WDPCP: variants seen among roughly 807,000 people sequenced by gnomAD.
WDPCP encodes the protein WD repeat containing planar cell polarity effector.
A neutral mutation model predicts 93.1 loss-of-function variants in WDPCP; 71 were observed. The observed-to-expected ratio is 0.76, with a 90% CI of 0.63 to 0.93. The LOEUF (loss-of-function observed/expected upper bound fraction) is 0.93. Ranked by LOEUF, WDPCP falls within the 40% of genes least tolerant of loss-of-function variation. The probability of loss-of-function intolerance (pLI) is 0.00; values close to 1 mark genes in which losing one functional copy is unlikely to be tolerated. For missense variants in WDPCP, 844 were observed against 887.4 expected (o/e 0.95, Z 0.62); for synonymous variants, 315 against 315.0 (o/e 1.00, Z 0.00).
At chr2:63,705,404 A>C (rs907684178) in intron 2 of WDPCP, among the ~76,000 whole-genome samples, 36 of 152,036 alleles carry the variant, frequency 2.4e-4, no homozygotes, top group Non-Finnish European at 4.6e-4. Flanking sequence ...TGTCAATTTT[A>C]GATCTTTCCT....
chr2:63,485,370 A>G (rs1217798955), intron 4 of WDPCP, among the ~76,000 whole-genome samples: 1 of 151,632 alleles, frequency 6.6e-6, no homozygotes, highest in African/African-American at 2.4e-5. Flanking sequence ...CCTAAAAAAA[A>G]AAAAAAATTA....
At chr2:63,313,882 A>ATGTGTGTG (rs1400155246) in intron 12 of WDPCP, among the ~76,000 whole-genome samples, 1 of 30,844 alleles carries the variant, frequency 3.2e-5, no homozygotes, top group African/African-American at 7.7e-5. Flanking sequence ...ATATATATAT[A>ATGTGTGTG]TATATTTTTT....
chr2:63,814,297 A>G (rs550348158), intron 1 of WDPCP, among the ~76,000 whole-genome samples: 15 of 152,108 alleles, frequency 9.9e-5, no homozygotes, highest in Non-Finnish European at 1.9e-4. Flanking sequence ...TTGAAATGCA[A>G]GGGGAAATCT....
intron 2 of WDPCP, among the ~76,000 whole-genome samples, chr2:63,487,808 A>G (rs540932303): frequency 2.6e-5 from 4 of 152,246 alleles, no homozygotes; most frequent in South Asian, 4.1e-4. Context: ...TATTTTTCAC[A>G]GGGTTCTACC....
intron 14 of WDPCP, among the ~76,000 whole-genome samples, chr2:63,194,212 TCCA>T (rs1295340292): frequency 6.6e-6 from 1 of 152,184 alleles, no homozygotes; most frequent in Non-Finnish European, 1.5e-5. Context: ...ATAATATTTT[TCCA>T]TTTTTTTAGA....
chr2:63,571,465 G>C, intron 1 of WDPCP: 1 of 468,126 alleles, frequency 2.1e-6, no homozygotes, highest in South Asian at 1.6e-5. Flanking sequence ...ATTTCTTGCA[G>C]TGAAGGTCTG....
chr2:63,550,795 A>G (rs975328416), intron 1 of WDPCP, among the ~76,000 whole-genome samples: 21 of 151,170 alleles, frequency 1.4e-4, no homozygotes, highest in South Asian at 4.2e-4. Context: ...ATATATGTAT[A>G]TATATATATA....
At chr2:63,421,943 G>C (rs1695896616) in intron 9 of WDPCP, among the ~76,000 whole-genome samples, 1 of 152,142 alleles carries the variant, frequency 6.6e-6, no homozygotes, top group Non-Finnish European at 1.5e-5. Flanking sequence ...ATGTAATACA[G>C]AAGAGGTTAA....
At chr2:63,414,660 T>C (rs1012552681) in intron 9 of WDPCP, among the ~76,000 whole-genome samples, 1 of 152,140 alleles carries the variant, frequency 6.6e-6, no homozygotes, top group Non-Finnish European at 1.5e-5. Context: ...CTCACTGATA[T>C]GTGGGAGCTA....
intron 14 of WDPCP, among the ~76,000 whole-genome samples, chr2:63,195,367 T>C (rs1033953018): frequency 1.3e-5 from 2 of 152,230 alleles, no homozygotes; most frequent in African/African-American, 2.4e-5. Flanking sequence ...TCTCAGATTG[T>C]TGGAAGTGGC....
intron 12 of WDPCP, among the ~76,000 whole-genome samples, chr2:63,353,331 G>C (rs1401553932): frequency 6.6e-6 from 1 of 152,116 alleles, no homozygotes; most frequent in East Asian, 1.9e-4. Flanking sequence ...TTAGACATTG[G>C]AACATACCCC....
At chr2:63,288,456 T>A (rs1575066355) in intron 13 of WDPCP, among the ~76,000 whole-genome samples, 1 of 152,296 alleles carries the variant, frequency 6.6e-6, no homozygotes, top group African/African-American at 2.4e-5. Context: ...ACACAGCATC[T>A]ATTGAGAGAA....
chr2:63,702,476 T>C (rs1359514359), intron 2 of WDPCP, among the ~76,000 whole-genome samples: 1 of 152,172 alleles, frequency 6.6e-6, no homozygotes, highest in East Asian at 1.9e-4. Context: ...GTGCTAATGG[T>C]TGCCCTGACA....
At chr2:63,129,105 A>T (rs1670120549) in intron 17 of WDPCP, among the ~76,000 whole-genome samples, 2 of 152,268 alleles carry the variant, frequency 1.3e-5, no homozygotes, top group African/African-American at 4.8e-5. Context: ...AGGTATCAGA[A>T]CTTCATTCCC....
intron 12 of WDPCP, among the ~76,000 whole-genome samples, chr2:63,316,040 G>A (rs1274618531): frequency 6.6e-6 from 1 of 152,058 alleles, no homozygotes; most frequent in East Asian, 1.9e-4. Flanking sequence ...TGGGACTACA[G>A]GTGTGAGCCA....
intron 13 of WDPCP, among the ~76,000 whole-genome samples, chr2:63,278,149 C>T (rs1683222589): frequency 1.3e-5 from 2 of 152,176 alleles, no homozygotes; most frequent in Non-Finnish European, 2.9e-5. Context: ...AAATAACCTG[C>T]TCCTGTATGA....
At chr2:63,723,751 C>T (rs1669461083) in intron 2 of WDPCP, among the ~76,000 whole-genome samples, 1 of 152,084 alleles carries the variant, frequency 6.6e-6, no homozygotes, top group African/African-American at 2.4e-5. Context: ...TCCAAGAAAG[C>T]TGAGGCAACA....
chr2:63,492,999 C>A, intron 1 of WDPCP, 59 bp from the exon 2 acceptor site: 1 of 1,378,762 alleles, frequency 7.3e-7, no homozygotes, highest in Non-Finnish European at 1.0e-6. Context: ...GCCAATAAAA[C>A]CAAGATACCT....
chr2:63,782,740 A>ATG (rs70965143), intron 2 of WDPCP, among the ~76,000 whole-genome samples: 43,092 of 141,004 alleles, frequency 0.31, 5,486 homozygotes, highest in Non-Finnish European at 0.37. Context: ...CACAGGCAAC[A>ATG]TGTGTGTGTG....
Sources: allele counts gnomAD v4.1 joint callset (sites outside exome capture counted in the v4.1 genomes callset), GRCh38; gene constraint gnomAD v4.1.1; transcripts MANE v1.5; gene names NCBI Gene and HGNC (gene_info 2026-07-23, HGNC 2026-07-21).